The following ZNF547 variants were observed in gnomAD, a reference collection of about 807,000 sequenced individuals.
ZNF547 encodes zinc finger protein 547.
In ZNF547, 4 loss-of-function variants were observed where a neutral mutation model predicts 7.7. That is an observed-to-expected ratio of 0.52 (90% CI 0.26 to 1.20). ZNF547 has a LOEUF of 1.20. Ranked by LOEUF, ZNF547 falls within the 50% of genes most tolerant of loss-of-function variation. ZNF547 has a pLI of 0.14. For synonymous variants in ZNF547, 166 were observed against 166.2 expected, an observed-to-expected ratio of 1.00 and a Z score of 0.01; for missense variants, 449 against 485.8, an observed-to-expected ratio of 0.92 and a Z score of 0.71.
Position 57,378,970 on chromosome 19 carries a change from G to A in ZNF547, c.*785G>A. On this transcript the variant is annotated 3_prime_UTR_variant, in exon 4 of 4. Transcript: ENST00000282282. ...GTTTTTCATTATTTTTTTTCACTTA[G>A]GATAATATCCTCAAAGTTCATTCAT... is the stretch of plus-strand genomic sequence containing the variant. 1 of 179,940 alleles carries A rather than the reference G, an allele frequency of 5.6e-6. No homozygotes were observed. The highest frequency in any genetic ancestry group is 1.2e-5 in the Non-Finnish European group (1 of 84,564). The allele number at this position is 179,940 out of a possible 1,614,324, so 11.1% of individuals were successfully genotyped here. A position where few individuals can be genotyped will look rare whatever the true frequency, so the allele number is the denominator to read the frequency against.
intron 3 of ZNF547, among the ~76,000 whole-genome samples, chr19:57,372,245 T>C (rs1287724647): frequency 6.6e-6 from 1 of 152,200 alleles, no homozygotes; most frequent in Non-Finnish European, 1.5e-5. Flanking sequence ...TCTTGGTCCC[T>C]TCTTGTTCCT....
intron 3 of ZNF547, among the ~76,000 whole-genome samples, chr19:57,375,526 G>C (rs140005832): frequency 6.6e-6 from 1 of 151,984 alleles, no homozygotes; most frequent in East Asian, 1.9e-4. Flanking sequence ...GCCGGGCATG[G>C]TGGCTCATAC....
chr19:57,368,577 C>G lies in ZNF547; in HGVS notation c.22C>G (p.Gln8Glu). The G allele has an allele frequency of 3.1e-6, 5 of 1,614,120 alleles. No individual in the cohort carries two copies. Among genetic ancestry groups the G allele is most frequent in the Non-Finnish European group, 4.2e-6 (5 of 1,179,994 alleles). The change falls in exon 2 of 4, where the codon CAG (glutamine) becomes GAG (glutamate). Residue 8 changes from glutamine (Q) to glutamate (E), a missense_variant and splice_region_variant. Gln to Glu is a conservative substitution (Grantham distance 29, BLOSUM62 2). Coordinates refer to ENST00000282282, the MANE Select transcript of ZNF547 (RefSeq NM_173631.4). MAEMNPA[Q>E]GHVVFEDVAI... ...GGCGATGGCAGAAATGAACCCTGCA[C>G]AGGTGAGTGGAGTGTTTTCTACCTT...
In ZNF547 at chr19:57,377,193, C is replaced by T. The variant is rs958784321; in HGVS notation, c.217C>T (p.Gln73Ter). ...LEPGVSVGVS[Q>*]VMAPKPCLST... ...GCCAGGTGTTTCTGTAGGAGTGTCACAGGTCATGGCTCCAAAGCCCTGTCT... is the reference window on the plus strand; with the variant it reads ...GCCAGGTGTTTCTGTAGGAGTGTCATAGGTCATGGCTCCAAAGCCCTGTCT... Residue 73 changes from glutamine to a stop codon, truncating the protein, a stop_gained, in exon 4 of 4, where the codon CAG (glutamine) becomes TAG (stop). Transcript: ENST00000282282. LOFTEE classifies it low-confidence loss of function (END_TRUNC). 1.2e-6 allele frequency: 2 copies of T among 1,614,202 alleles called. No individual in the cohort carries two copies.
At position 57,377,217 on chromosome 19, in the gene ZNF547, C is replaced by CT. The variant is rs1336508758; in HGVS notation, c.242dup (p.Ser82IlefsTer9). On this transcript the variant is annotated frameshift_variant, in exon 4 of 4. Transcript: ENST00000282282. LOFTEE classifies it low-confidence loss of function (END_TRUNC). ...ACAGGTCATGGCTCCAAAGCCCTGT[C>CT]TATCTACCCAGAATACCCAGCCCTG... The CT allele has an allele frequency of 3.1e-6, 5 of 1,614,094 alleles. No individual in the cohort carries two copies. Among genetic ancestry groups the CT allele is most frequent in the Non-Finnish European group, 2.5e-6 (3 of 1,180,038 alleles).
chr19:57,371,397 T>C (rs1251133692), intron 2 of ZNF547, among the ~76,000 whole-genome samples: 1 of 152,212 alleles, frequency 6.6e-6, no homozygotes, highest in Non-Finnish European at 1.5e-5. Flanking sequence ...CCAGATTTGA[T>C]CAGGAGGAAA....
rs1392439456 is a variant in ZNF547 at position 57,378,618 on chromosome 19, T to C, written c.*433T>C. The C allele has an allele frequency of 2.8e-6, 1 of 362,478 alleles. No individual in the cohort carries two copies. The highest frequency in any genetic ancestry group is 5.4e-6 in the Non-Finnish European group (1 of 185,990). 22.5% of individuals were successfully genotyped at this position (362,478 alleles called of 1,614,324 possible). A position where few individuals can be genotyped will look rare whatever the true frequency, so the allele number is the denominator to read the frequency against. ...AAAAAGGCCACGTATGTGCCTTGAA[T>C]GTAGCCAAAATGACGAACAACACCC... is the stretch of plus-strand genomic sequence containing the variant. On this transcript the variant is annotated 3_prime_UTR_variant, in exon 4 of 4. Transcript: ENST00000282282.
intron 1 of ZNF547, among the ~76,000 whole-genome samples, chr19:57,366,823 G>A (rs549027064): frequency 4.6e-5 from 7 of 152,308 alleles, no homozygotes; most frequent in South Asian, 2.1e-4. Flanking sequence ...TAGCACATAC[G>A]TGGACGTTAT....
intron 2 of ZNF547, among the ~76,000 whole-genome samples, chr19:57,368,988 A>T (rs1357821916): frequency 1.3e-5 from 2 of 152,168 alleles, no homozygotes; most frequent in Non-Finnish European, 2.9e-5. Flanking sequence ...GAGACACACA[A>T]ACATCAGGCC....
Position 57,378,070 on chromosome 19 carries a change from C to T in ZNF547, c.1094C>T (p.Ser365Phe). 1 of 1,614,016 alleles carries T rather than the reference C, an allele frequency of 6.2e-7. No individual in the cohort carries two copies. The highest frequency in any genetic ancestry group is 8.5e-7 in the Non-Finnish European group (1 of 1,179,984). The change falls in exon 4 of 4, where the codon TCC becomes TTC. Residue 365 changes from serine to phenylalanine, a missense_variant. By Grantham distance (155) the Ser-to-Phe change is radical. Coordinates refer to ENST00000282282, the MANE Select transcript of ZNF547 (RefSeq NM_173631.4). ...TGTGGGAAGGCCTTCCTTACAAAGT[C>T]CCACCTCATTTGTCATCAGACAGTT... ...SECGKAFLTK[S>F]HLICHQTVHT...
rs934546849 is a variant in ZNF547 at position 57,377,257 on chromosome 19, C to T, written c.281C>T (p.Ser94Leu). 28 of 1,614,228 alleles carry T rather than the reference C, an allele frequency of 1.7e-5. No homozygotes were observed. The highest frequency in any genetic ancestry group is 2.4e-5 in the Non-Finnish European group (28 of 1,180,056). ...ACCCAGCCCTGTGAGACATGTAGCT[C>T]ACTTCTGAAGGACATTCTGCGTCTG... ...QNTQPCETCSSLLKDILRLAE... is the reference protein window; with the variant it reads ...QNTQPCETCSLLLKDILRLAE... Residue 94 changes from serine to leucine, a missense_variant, in exon 4 of 4, where the codon TCA becomes TTA. By Grantham distance (145) the Ser-to-Leu change is moderately radical (BLOSUM62 -2). Coordinates refer to ENST00000282282, the MANE Select transcript of ZNF547 (RefSeq NM_173631.4).
At chr19:57,364,577 G>A in intron 1 of ZNF547, 1 of 535,050 alleles carries the variant, frequency 1.9e-6, no homozygotes, top group South Asian at 2.1e-5. Context: ...CCCGTCTTTA[G>A]TAAAAATACA....
In ZNF547 at chr19:57,378,304, G is replaced by A; in HGVS notation, c.*119G>A. The A allele has an allele frequency of 1.1e-6, 1 of 899,742 alleles. No homozygotes were observed. Among genetic ancestry groups the A allele is most frequent in the Non-Finnish European group, 1.7e-6 (1 of 575,530 alleles). 55.7% of individuals were successfully genotyped at this position (899,742 alleles called of 1,614,324 possible). ...GCCGTGAACGTGGGTAATTATGTAGGTACAGCTCTCCAGTCGCTATGTATC... is the reference window on the plus strand; with the variant it reads ...GCCGTGAACGTGGGTAATTATGTAGATACAGCTCTCCAGTCGCTATGTATC... On this transcript the variant is annotated 3_prime_UTR_variant, in exon 4 of 4. Transcript: ENST00000282282.
chr19:57,365,572 A>G lies in ZNF547; in HGVS notation c.-13+1869A>G, dbSNP rs544644621. ...TGCCCAGGCTGGAGTGCAGTGGCAC[A>G]GTCTCGTCTCACTGCACCCTCCGCC... On this transcript the variant is annotated intron_variant, in intron 1 of 3. Transcript: ENST00000282282. 1.3e-3 allele frequency among the ~76,000 whole-genome samples: 192 copies of G among 148,158 alleles called. 1 individual carries two copies. The highest frequency in any genetic ancestry group is 3.5e-3 in the African/African-American group (142 of 40,114).
intron 3 of ZNF547, 22 bp downstream of exon 3, chr19:57,371,930 A>G: frequency 2.5e-6 from 4 of 1,581,614 alleles, no homozygotes; most frequent in Non-Finnish European, 2.6e-6. Flanking sequence ...ACACTTGCCC[A>G]GTGTCCTGGG....
chr19:57,366,771 G>T (rs1600075365), intron 1 of ZNF547, among the ~76,000 whole-genome samples: 1 of 152,146 alleles, frequency 6.6e-6, no homozygotes, highest in East Asian at 1.9e-4. Context: ...TTGGTAGATA[G>T]ATTTAAAACT....
intron 2 of ZNF547, among the ~76,000 whole-genome samples, chr19:57,369,285 G>A (rs929443332): frequency 6.6e-6 from 1 of 152,060 alleles, no homozygotes. Flanking sequence ...TGAGGCAGCT[G>A]GGGGGGTGGG....
chr19:57,368,469 A>C, intron 1 of ZNF547, 75 bp from the exon 2 acceptor site: 2 of 1,424,084 alleles, frequency 1.4e-6, no homozygotes, highest in Non-Finnish European at 2.0e-6. Flanking sequence ...GTAAGGAAGA[A>C]GAGATGGTGG....
At chr19:57,376,091 A>G (rs1219317930) in intron 3 of ZNF547, among the ~76,000 whole-genome samples, 2 of 152,158 alleles carry the variant, frequency 1.3e-5, no homozygotes, top group South Asian at 2.1e-4. Flanking sequence ...TGAACCCAGG[A>G]TGCAGATGTT....
Sources: gnomAD v4.1 joint callset for allele counts (sites outside exome capture counted in the v4.1 genomes callset) on GRCh38, gnomAD v4.1.1 for gene constraint, MANE v1.5 for transcripts, NCBI Gene and HGNC (gene_info 2026-07-23, HGNC 2026-07-21) for gene names.